Variants in MOK observed in about 807,000 individuals in gnomAD.
MOK encodes MOK protein kinase, also known as MAPK/MAK/MRK overlapping kinase.
Under a neutral mutation model 54.2 loss-of-function variants are expected in MOK, and 59 were observed. That is an observed-to-expected ratio of 1.09 (90% CI 0.88 to 1.35). The LOEUF is 1.35. Ranked by LOEUF, MOK falls within the 40% of genes most tolerant of loss-of-function variation. The probability of loss-of-function intolerance (pLI) is 0.00; values close to 1 mark genes in which losing one functional copy is unlikely to be tolerated. For synonymous variants in MOK, 210 were observed against 202.7 expected (o/e 1.04, Z -0.31); for missense variants, 517 against 526.2 (o/e 0.98, Z 0.17).
rs147983922 is a variant in MOK, at chr14:102,265,851, T to G, written c.184A>C (p.Asn62His). ...QALRRLNPHP[N>H]ILMLHEVVFD... ...ACCACTTCATGCAACATAAGAATGTTTGGGTGCGGATTCAGGCGCCTCAGT... is the reference window on the plus strand; with the variant it reads ...ACCACTTCATGCAACATAAGAATGTGTGGGTGCGGATTCAGGCGCCTCAGT... The change falls in exon 3 of 12, where the codon AAC becomes CAC. Residue 62 changes from asparagine to histidine, a missense_variant. By Grantham distance (68) the Asn-to-His change is moderately conservative (BLOSUM62 1). Coordinates refer to ENST00000361847, the MANE Select transcript of MOK (RefSeq NM_014226.3). 1 of 1,614,014 alleles carries G rather than the reference T, an allele frequency of 6.2e-7. No individual in the cohort carries two copies. The highest frequency in any genetic ancestry group is 8.5e-7 in the Non-Finnish European group (1 of 1,179,904).
chr14:102,248,531 C>A (rs2066272004), intron 7 of MOK, among the ~76,000 whole-genome samples: 1 of 152,156 alleles, frequency 6.6e-6, no homozygotes, highest in African/African-American at 2.4e-5. Flanking sequence ...GTGATCCCAG[C>A]ACTTTGGGAG....
intron 7 of MOK, among the ~76,000 whole-genome samples, chr14:102,246,787 G>A (rs1424595435): frequency 3.3e-5 from 5 of 152,100 alleles, no homozygotes; most frequent in South Asian, 2.1e-4. Context: ...AGTAGGAACC[G>A]TAACAACCCA....
At chr14:102,262,901 T>C (rs2067591351) in intron 4 of MOK, among the ~76,000 whole-genome samples, 1 of 152,224 alleles carries the variant, frequency 6.6e-6, no homozygotes, top group Non-Finnish European at 1.5e-5. Flanking sequence ...ACAAGGTTCA[T>C]TTGTTCTGAC....
intron 1 of MOK, among the ~76,000 whole-genome samples, chr14:102,296,858 G>A (rs967280067): frequency 2.6e-5 from 4 of 152,088 alleles, no homozygotes; most frequent in African/African-American, 9.7e-5. Context: ...AGGAGATCGA[G>A]ACAAGCCTGG....
chr14:102,247,847 C>A (rs2066209376), intron 7 of MOK, among the ~76,000 whole-genome samples: 1 of 152,228 alleles, frequency 6.6e-6, no homozygotes. Flanking sequence ...CCCCGATGGC[C>A]AGCGTGGCCC....
chr14:102,259,404 T>A (rs2067215060), intron 4 of MOK, among the ~76,000 whole-genome samples: 1 of 152,196 alleles, frequency 6.6e-6, no homozygotes, highest in African/African-American at 2.4e-5. Context: ...TTTAAGGCAC[T>A]GAGCTGGGCC....
intron 2 of MOK, among the ~76,000 whole-genome samples, chr14:102,266,488 G>T (rs775931867): frequency 6.6e-6 from 1 of 152,050 alleles, no homozygotes; most frequent in Non-Finnish European, 1.5e-5. Context: ...AGGCTCAAAT[G>T]ATCGGCCCGC....
At chr14:102,224,766 A>T (rs1013256702), downstream of MOK, 5 of 455,998 alleles carry the variant, frequency 1.1e-5, no homozygotes, top group Non-Finnish European at 2.2e-5. Context: ...ACTCTGGATC[A>T]CGGGGCCATG....
intron 1 of MOK, among the ~76,000 whole-genome samples, chr14:102,291,176 G>A (rs564383720): frequency 7.9e-5 from 12 of 152,222 alleles, no homozygotes; most frequent in South Asian, 2.1e-4. Context: ...ACAAAAAACC[G>A]GAAGCCATAA....
intron 1 of MOK, among the ~76,000 whole-genome samples, chr14:102,297,359 A>G (rs1441159183): frequency 6.6e-6 from 1 of 151,632 alleles, no homozygotes; most frequent in Non-Finnish European, 1.5e-5. Flanking sequence ...CTCCGTCTCA[A>G]AAATAATAAT....
At chr14:102,302,739 G>A (rs2072375888) in intron 1 of MOK, among the ~76,000 whole-genome samples, 1 of 151,650 alleles carries the variant, frequency 6.6e-6, no homozygotes, top group African/African-American at 2.4e-5. Flanking sequence ...TTTCTATATA[G>A]GTATACACAT....
At position 102,265,893 on chromosome 14, in the gene MOK, G is replaced by A; in HGVS notation, c.142C>T (p.Leu48=). The A allele has an allele frequency of 6.2e-7, 1 of 1,613,754 alleles. No individual in the cohort carries two copies. Among genetic ancestry groups the A allele is most frequent in the Non-Finnish European group, 8.5e-7 (1 of 1,179,702 alleles). The change falls in exon 3 of 12, where the codon CTA becomes TTA. Residue 48 remains leucine, a synonymous_variant. Transcript: ENST00000361847. ...RFESIEQVNN[L]REIQALRRLN... is the part of the protein sequence containing the mutation. ...CGCCTCAGTGCTTGGATCTCTCGTA[G>A]GTTGTTGACTTGCTCAATACTATCG... is the stretch of plus-strand genomic sequence containing the variant.
At chr14:102,290,143 G>A (rs372522524) in intron 1 of MOK, among the ~76,000 whole-genome samples, 46 of 142,350 alleles carry the variant, frequency 3.2e-4, no homozygotes, top group Non-Finnish European at 2.3e-4. Flanking sequence ...TACACTTAGA[G>A]AAAAAAAAAA....
At chr14:102,237,625 CTT>C (rs2065341054) in intron 7 of MOK, among the ~76,000 whole-genome samples, 1 of 152,264 alleles carries the variant, frequency 6.6e-6, no homozygotes, top group East Asian at 1.9e-4. Flanking sequence ...TCAAACCGCT[CTT>C]GTCACTGCAC....
chr14:102,304,922 T>G, intron 1 of MOK, 40 bp downstream of exon 1: 2 of 590,430 alleles, frequency 3.4e-6, no homozygotes, highest in Non-Finnish European at 5.1e-6. Flanking sequence ...CCCCCGCCAC[T>G]CGCTCTCCAG....
intron 1 of MOK, among the ~76,000 whole-genome samples, chr14:102,297,586 G>A (rs1193782523): frequency 1.3e-5 from 2 of 152,200 alleles, no homozygotes; most frequent in South Asian, 2.1e-4. Context: ...TCAGCTCGCC[G>A]CTGCACTGTG....
intron 10 of MOK, 49 bp from the exon 11 acceptor site, chr14:102,229,706 T>G (rs1415933672): frequency 1.3e-6 from 2 of 1,504,808 alleles, no homozygotes; most frequent in African/African-American, 1.4e-5. Flanking sequence ...TTCTGCTTTA[T>G]GGAAATTAGG....
downstream of MOK, chr14:102,222,726 A>G (rs1357149786): frequency 5.7e-6 from 7 of 1,237,874 alleles, no homozygotes; most frequent in African/African-American, 1.5e-5. The surrounding 1 kb of genome is among the most constrained non-coding windows in gnomAD (Gnocchi z 4.4). Flanking sequence ...TTCCACATCA[A>G]CAGCACCAGT....
At chr14:102,278,615 G>C in intron 2 of MOK, 2 of 453,872 alleles carry the variant, frequency 4.4e-6, no homozygotes, top group Middle Eastern at 6.6e-4. Flanking sequence ...CCTGGGCTCA[G>C]AGTCAGCTCC....
Sources: allele counts gnomAD v4.1 joint callset (sites outside exome capture counted in the v4.1 genomes callset), GRCh38; gene constraint gnomAD v4.1.1; non-coding constraint Gnocchi (gnomAD v3.1); transcripts MANE v1.5; gene names NCBI Gene and HGNC (gene_info 2026-07-23, HGNC 2026-07-21).